PTPRD: variants seen among roughly 807,000 people sequenced by gnomAD.
The protein encoded by PTPRD is protein tyrosine phosphatase receptor type D.
In PTPRD, 34 loss-of-function variants were observed where a neutral mutation model predicts 214.5. The ratio of observed to expected loss-of-function variants is 0.16; its 90% CI spans 0.12 to 0.21. The LOEUF is 0.21. Among genes scored for constraint, PTPRD ranks in the 10% least tolerant of loss-of-function variants. The probability of loss-of-function intolerance (pLI) is 1.00; values close to 1 mark genes in which losing one functional copy is unlikely to be tolerated. For missense variants in PTPRD, 2,545 were observed against 2,398.7 expected (o/e 1.06, Z -1.27); for synonymous variants, 1,128 against 845.7 (o/e 1.33, Z -5.79).
chr9:8,322,083 G>C (rs974194443), intron 44 of PTPRD, among the ~76,000 whole-genome samples: 5 of 151,976 alleles, frequency 3.3e-5, no homozygotes, highest in African/African-American at 1.2e-4. Flanking sequence ...ATGACCATAA[G>C]ACAACAAACA....
chr9:9,834,623 G>A (rs2056168474), intron 5 of PTPRD, among the ~76,000 whole-genome samples: 1 of 152,036 alleles, frequency 6.6e-6, no homozygotes, highest in African/African-American at 2.4e-5. Flanking sequence ...TTGGCAGGAA[G>A]GAGCAACCCA....
intron 11 of PTPRD, among the ~76,000 whole-genome samples, chr9:8,852,276 T>C (rs1217776024): frequency 1.3e-5 from 2 of 152,146 alleles, no homozygotes; most frequent in African/African-American, 2.4e-5. Flanking sequence ...AAAAAGACAA[T>C]TGAGAATTTA....
At position 10,090,246 on chromosome 9, in the gene PTPRD, G is replaced by A. The variant is rs2098412774; in HGVS notation, c.-544-56456C>T. Among the ~76,000 whole-genome samples, 2 of 151,616 alleles carry A rather than the reference G, an allele frequency of 1.3e-5. 1 individual carries two copies. The highest frequency in any genetic ancestry group is 3.0e-5 in the Non-Finnish European group (2 of 67,752). ...CAGTGTCAAAAATCTAAATTTGACT[G>A]ACTTATGATTTAGTGTTTATTCATT... On this transcript the variant is annotated intron_variant, in intron 3 of 45. Transcript: ENST00000381196.
chr9:10,571,838 C>G (rs1474400185), intron 2 of PTPRD, among the ~76,000 whole-genome samples: 1 of 152,058 alleles, frequency 6.6e-6, no homozygotes, highest in Non-Finnish European at 1.5e-5. Context: ...GGTTCATGCT[C>G]CTGTGAGAAT....
intron 12 of PTPRD, among the ~76,000 whole-genome samples, chr9:8,725,881 G>C (rs2098550969): frequency 6.6e-6 from 1 of 152,176 alleles, no homozygotes; most frequent in Admixed American, 6.6e-5. Flanking sequence ...GACAAAGTCT[G>C]AGAAGATTGC....
chr9:9,707,862 T>A (rs1404814296), intron 7 of PTPRD, among the ~76,000 whole-genome samples: 1 of 152,092 alleles, frequency 6.6e-6, no homozygotes, highest in Non-Finnish European at 1.5e-5. Flanking sequence ...CCACCTGCTA[T>A]GTTTTGAAAT....
At chr9:10,110,334 A>C (rs561310026) in intron 3 of PTPRD, among the ~76,000 whole-genome samples, 1 of 152,294 alleles carries the variant, frequency 6.6e-6, no homozygotes, top group Non-Finnish European at 1.5e-5. Context: ...CTGTAGGAAG[A>C]GAAAACTGTG....
intron 8 of PTPRD, among the ~76,000 whole-genome samples, chr9:9,401,993 C>T (rs1421341127): frequency 1.3e-5 from 2 of 151,996 alleles, no homozygotes; most frequent in Non-Finnish European, 2.9e-5. Flanking sequence ...TCAGGCAGTT[C>T]ATTATAACAG....
intron 12 of PTPRD, among the ~76,000 whole-genome samples, chr9:8,660,689 T>C (rs1310267074): frequency 6.6e-6 from 1 of 152,104 alleles, no homozygotes; most frequent in Non-Finnish European, 1.5e-5. Context: ...CTTCACATAC[T>C]CTGCATTTGG....
intron 7 of PTPRD, among the ~76,000 whole-genome samples, chr9:9,647,640 C>G (rs1414644821): frequency 6.6e-6 from 1 of 152,140 alleles, no homozygotes; most frequent in Admixed American, 6.5e-5. Flanking sequence ...CCTGTTTTCC[C>G]TTTGACTCAG....
intron 8 of PTPRD, among the ~76,000 whole-genome samples, chr9:9,552,601 A>G (rs79083246): frequency 0.013 from 1,953 of 152,104 alleles, 45 homozygotes; most frequent in African/African-American, 0.044. Flanking sequence ...TCTTCTGTCT[A>G]ATGACCTAAG....
chr9:9,311,206 T>C (rs1958892675), intron 9 of PTPRD, among the ~76,000 whole-genome samples: 1 of 152,100 alleles, frequency 6.6e-6, no homozygotes, highest in Non-Finnish European at 1.5e-5. Flanking sequence ...TCATTCTTAG[T>C]TCCAAAGAAA....
chr9:9,764,934 G>A (rs907662732), intron 6 of PTPRD, among the ~76,000 whole-genome samples: 2 of 152,090 alleles, frequency 1.3e-5, no homozygotes, highest in Non-Finnish European at 1.5e-5. Flanking sequence ...CAGCAGGCTC[G>A]AGGTTGAAGC....
intron 2 of PTPRD, among the ~76,000 whole-genome samples, chr9:10,369,212 G>C (rs556041636): frequency 6.6e-6 from 1 of 152,202 alleles, no homozygotes; most frequent in East Asian, 1.9e-4. Flanking sequence ...AAAATAAGGA[G>C]TTTAGACCTT....
intron 3 of PTPRD, among the ~76,000 whole-genome samples, chr9:10,311,825 CG>C (rs1268900698): frequency 6.6e-6 from 1 of 151,942 alleles, no homozygotes; most frequent in African/African-American, 2.4e-5. Context: ...TAACCACACG[CG>C]GTAATTCTGA....
At chr9:8,796,168 T>C (rs1370598605) in intron 11 of PTPRD, among the ~76,000 whole-genome samples, 2 of 152,212 alleles carry the variant, frequency 1.3e-5, no homozygotes, top group African/African-American at 2.4e-5. Flanking sequence ...TTTATCTATA[T>C]CTGCATGTTT....
chr9:8,521,209 T>C, intron 20 of PTPRD, 68 bp downstream of exon 20: 1 of 1,515,904 alleles, frequency 6.6e-7, no homozygotes. Context: ...AAGGATGGGC[T>C]TTCTAGAGGC....
chr9:8,913,409 C>T (rs2098761696), intron 11 of PTPRD, among the ~76,000 whole-genome samples: 1 of 151,978 alleles, frequency 6.6e-6, no homozygotes, highest in African/African-American at 2.4e-5. Flanking sequence ...TAAAAACCTA[C>T]ATAAAAAATA....
intron 8 of PTPRD, among the ~76,000 whole-genome samples, chr9:9,518,067 G>A (rs919524312): frequency 6.6e-6 from 1 of 151,950 alleles, no homozygotes; most frequent in African/African-American, 2.4e-5. Flanking sequence ...TACTTTTATA[G>A]TTGTGAAGTA....
Sources: allele counts gnomAD v4.1 joint callset (sites outside exome capture counted in the v4.1 genomes callset), GRCh38; gene constraint gnomAD v4.1.1; transcripts MANE v1.5; gene names NCBI Gene and HGNC (gene_info 2026-07-23, HGNC 2026-07-21).